The following VPS13D variants were observed in gnomAD, a reference collection of about 807,000 sequenced individuals.
VPS13D encodes the protein intermembrane lipid transfer protein VPS13D.
VPS13D carries 187 observed loss-of-function variants against 461.9 expected under a neutral mutation model. The ratio of observed to expected loss-of-function variants is 0.40; its 90% CI spans 0.36 to 0.46. VPS13D has a LOEUF of 0.46. Among genes scored for constraint, VPS13D ranks in the 20% least tolerant of loss-of-function variants. The pLI is 0.60. For missense variants in VPS13D, 4,711 were observed against 5,364.9 expected (o/e 0.88, Z 3.81); for synonymous variants, 1,951 against 1,986.3 (o/e 0.98, Z 0.47).
chr1:12,241,821 A>G (rs1342188201), intron 2 of VPS13D, among the ~76,000 whole-genome samples: 3 of 152,096 alleles, frequency 2.0e-5, no homozygotes, highest in African/African-American at 4.8e-5. Context: ...TGTTTGCACT[A>G]TACTCATTTT....
chr1:12,476,765 T>C (rs527484072), intron 67 of VPS13D, among the ~76,000 whole-genome samples: 2 of 152,274 alleles, frequency 1.3e-5, no homozygotes, highest in African/African-American at 4.8e-5. Context: ...TAACAAGAGA[T>C]GGTTTTCTGT....
At chr1:12,415,340 G>A (rs1453669843) in intron 64 of VPS13D, 119 bp downstream of exon 64, 1 of 1,337,048 alleles carries the variant, frequency 7.5e-7, no homozygotes, top group East Asian at 2.3e-5. Flanking sequence ...TTTCAACTCT[G>A]TTGTGTTACG....
Position 12,345,386 on chromosome 1 carries a change from C to T in VPS13D, c.8898C>T (p.Asp2966=). Residue 2966 remains aspartate, a synonymous_variant, in exon 43 of 70, where the codon GAC becomes GAT. Transcript: ENST00000620676. ...RGKLRHRHTH[D]LRIHQLQVRV... is the part of the protein sequence containing the mutation. ...TTCTGCCTGACAGACACACCCATGACCTCCGGATTCATCAACTGCAAGTGA... is the reference window on the plus strand; with the variant it reads ...TTCTGCCTGACAGACACACCCATGATCTCCGGATTCATCAACTGCAAGTGA... 2.5e-6 allele frequency: 4 copies of T among 1,612,728 alleles called. No individual in the cohort carries two copies. Among genetic ancestry groups the T allele is most frequent in the South Asian group, 2.2e-5 (2 of 90,974 alleles).
intron 67 of VPS13D, among the ~76,000 whole-genome samples, chr1:12,488,200 A>G (rs1645827442): frequency 6.6e-6 from 1 of 152,234 alleles, no homozygotes; most frequent in East Asian, 1.9e-4. Context: ...TGGTATTTTC[A>G]ATGGACTTGA....
At position 12,372,364 on chromosome 1, in the gene VPS13D, G is replaced by GGTTTT. The variant is rs375498036; in HGVS notation, c.10809-1365_10809-1361dup. ...AGGTGTGAGTCACTGTGCCAGGCCT[G>GGTTTT]GTTTTGTTTTGTTTTGTTTTGTTTT... On this transcript the variant is annotated intron_variant, in intron 54 of 69. Transcript: ENST00000620676. Among the ~76,000 whole-genome samples the GGTTTT allele has an allele frequency of 7.2e-5, 11 of 152,058 alleles. No homozygotes were observed. The East Asian group carries it at 1.4e-3, about 19-fold the overall frequency.
chr1:12,385,985 G>T (rs1644346469), intron 59 of VPS13D, among the ~76,000 whole-genome samples, 200 bp from the exon 60 acceptor site: 2 of 152,162 alleles, frequency 1.3e-5, no homozygotes, highest in African/African-American at 4.8e-5. Flanking sequence ...GGGGTGAAGG[G>T]TATGCCTAGA....
Position 12,473,370 on chromosome 1 carries a change from C to T in VPS13D, c.12662+12974C>T, listed in dbSNP as rs1256666114. ...AGTGTGAAAAGAAACCACGCATTTGCAGGAAGCAAGAAGGGGTTCCGCAGC... is the reference window on the plus strand; with the variant it reads ...AGTGTGAAAAGAAACCACGCATTTGTAGGAAGCAAGAAGGGGTTCCGCAGC... On this transcript the variant is annotated intron_variant, in intron 67 of 69. Transcript: ENST00000620676. This position sits in a 1 kb window ranked among gnomAD's most constrained non-coding sequence, Gnocchi z 4.2. Among the ~76,000 whole-genome samples the T allele has an allele frequency of 6.6e-6, 1 of 152,194 alleles. No homozygotes were observed. The highest frequency in any genetic ancestry group is 1.5e-5 in the Non-Finnish European group (1 of 68,036).
chr1:12,317,106 A>C (rs1164803247), intron 30 of VPS13D, among the ~76,000 whole-genome samples: 1 of 150,226 alleles, frequency 6.7e-6, no homozygotes, highest in Non-Finnish European at 1.5e-5. Flanking sequence ...CTGTCAGGTC[A>C]GTTTCAATTA....
chr1:12,446,917 A>C (rs1645200161), intron 65 of VPS13D, among the ~76,000 whole-genome samples: 1 of 152,140 alleles, frequency 6.6e-6, no homozygotes, highest in African/African-American at 2.4e-5. Flanking sequence ...GACATGTACC[A>C]AGCCTCCTAT....
In VPS13D at chr1:12,244,579, A is replaced by G; in HGVS notation, c.409A>G (p.Thr137Ala). 1 of 1,614,252 alleles carries G rather than the reference A, an allele frequency of 6.2e-7. No homozygotes were observed. Among genetic ancestry groups the G allele is most frequent in the Non-Finnish European group, 8.5e-7 (1 of 1,180,042 alleles). The change falls in exon 5 of 70, where the codon ACC (threonine) becomes GCC (alanine). Residue 137 changes from threonine to alanine, a missense_variant. Thr to Ala is a moderately conservative substitution (Grantham distance 58). Around this residue, in one of 3 missense-constraint regions of VPS13D, gnomAD observed 4,411 missense variants for 4,937.8 expected, o/e 0.89. Transcript: ENST00000620676. ...QKGESYWYSV[T>A]ASVVTRIVEN... is the part of the protein sequence containing the mutation. ...AGGGGAGTCCTATTGGTATTCAGTT[A>G]CCGCCTCCGTAGTTACAAGGATTGT...
chr1:12,288,806 G>T (rs1248262290), intron 22 of VPS13D, among the ~76,000 whole-genome samples: 1 of 152,090 alleles, frequency 6.6e-6, no homozygotes. Flanking sequence ...AGAGGCCATG[G>T]TGTTATGCAG....
At chr1:12,466,591 C>T (rs1645486256) in intron 67 of VPS13D, among the ~76,000 whole-genome samples, 1 of 152,178 alleles carries the variant, frequency 6.6e-6, no homozygotes, top group South Asian at 2.1e-4. Context: ...GTGGCTCCTG[C>T]CTCATACTTA....
chr1:12,450,016 G>A (rs542116185), intron 65 of VPS13D, among the ~76,000 whole-genome samples: 39 of 152,122 alleles, frequency 2.6e-4, no homozygotes, highest in Admixed American at 1.6e-3. Flanking sequence ...TCCCTGCTAC[G>A]GGAGGCTGAG....
At chr1:12,294,832 T>C (rs1642230238) in intron 24 of VPS13D, among the ~76,000 whole-genome samples, 1 of 152,098 alleles carries the variant, frequency 6.6e-6, no homozygotes, top group Non-Finnish European at 1.5e-5. Context: ...TCCTGACAGC[T>C]GCAAGCCTTT....
At chr1:12,327,981 T>G in intron 36 of VPS13D, 127 bp downstream of exon 36, 1 of 954,116 alleles carries the variant, frequency 1.0e-6, no homozygotes. Context: ...GATAATAGTT[T>G]TACATATGTT....
chr1:12,396,259 A>G (rs1644497505), intron 60 of VPS13D, among the ~76,000 whole-genome samples: 1 of 151,614 alleles, frequency 6.6e-6, no homozygotes, highest in South Asian at 2.1e-4. Context: ...TTTCAAGGCT[A>G]CTGTGGAGCT....
At chr1:12,305,349 A>G (rs1306749407) in intron 26 of VPS13D, among the ~76,000 whole-genome samples, 1 of 151,966 alleles carries the variant, frequency 6.6e-6, no homozygotes, top group Non-Finnish European at 1.5e-5. Flanking sequence ...ATGATGGCTT[A>G]CTGCAGCACT....
chr1:12,281,850 TA>T (rs1394752364), intron 20 of VPS13D, among the ~76,000 whole-genome samples: 3 of 152,178 alleles, frequency 2.0e-5, no homozygotes. Flanking sequence ...ATTCTTCTGT[TA>T]AAAATTGCCC....
At chr1:12,396,917 A>G (rs1346859214) in intron 60 of VPS13D, among the ~76,000 whole-genome samples, 1 of 152,066 alleles carries the variant, frequency 6.6e-6, no homozygotes, top group Non-Finnish European at 1.5e-5. Flanking sequence ...TTTACTTTAA[A>G]AAGTTGTTTG....
Sources: gnomAD v4.1 joint callset for allele counts (sites outside exome capture counted in the v4.1 genomes callset) on GRCh38, gnomAD v4.1.1 for gene constraint, gnomAD v4.1.1 regional missense constraint, Gnocchi (gnomAD v3.1) non-coding constraint, MANE v1.5 for transcripts, NCBI Gene and HGNC (gene_info 2026-07-23, HGNC 2026-07-21) for gene names.